Variants in ASTN1 observed in about 807,000 individuals in gnomAD.
ASTN1 encodes the protein astrotactin-1.
ASTN1 carries 41 observed loss-of-function variants against 140.7 expected under a neutral mutation model. The observed-to-expected ratio is 0.29, with a 90% CI of 0.23 to 0.38. The LOEUF (loss-of-function observed/expected upper bound fraction) is 0.38, where lower values mean the gene tolerates loss of function less well. Ranked by LOEUF, ASTN1 falls within the 10% of genes least tolerant of loss-of-function variation. ASTN1 has a pLI of 1.00. For synonymous variants in ASTN1, 640 were observed against 652.2 expected (o/e 0.98, Z 0.29); for missense variants, 1,479 against 1,678.8 (o/e 0.88, Z 2.08).
intron 8 of ASTN1, among the ~76,000 whole-genome samples, chr1:176,996,179 G>A (rs1219983541): frequency 6.6e-6 from 1 of 151,374 alleles, no homozygotes; most frequent in Non-Finnish European, 1.5e-5. Flanking sequence ...AGCTTCAAAG[G>A]GACCAAGAAA....
At chr1:176,866,212 A>C (rs1176393699) in intron 22 of ASTN1, among the ~76,000 whole-genome samples, 4 of 152,222 alleles carry the variant, frequency 2.6e-5, no homozygotes, top group Non-Finnish European at 5.9e-5. Flanking sequence ...GGAGAAGGGC[A>C]GAGATTGCCA....
intron 11 of ASTN1, among the ~76,000 whole-genome samples, chr1:176,955,982 T>A (rs931574714): frequency 6.6e-6 from 1 of 152,248 alleles, no homozygotes; most frequent in Non-Finnish European, 1.5e-5. Flanking sequence ...AATAGCTTTT[T>A]TTAAAAGTGT....
intron 1 of ASTN1, among the ~76,000 whole-genome samples, chr1:177,155,002 G>T (rs546525386): frequency 6.6e-6 from 1 of 152,144 alleles, no homozygotes. Flanking sequence ...GGTACTTCAT[G>T]CAATGGAATA....
chr1:177,037,598 T>C (rs527990739), intron 2 of ASTN1, among the ~76,000 whole-genome samples: 7 of 152,316 alleles, frequency 4.6e-5, no homozygotes, highest in Non-Finnish European at 1.0e-4. Flanking sequence ...AACATTACAG[T>C]ATATCTGGAT....
intron 8 of ASTN1, among the ~76,000 whole-genome samples, chr1:177,006,272 C>T (rs1042261139): frequency 5.9e-5 from 9 of 151,866 alleles, no homozygotes; most frequent in African/African-American, 2.2e-4. Context: ...AAAATATATA[C>T]AGAATTGAGG....
chr1:177,072,708 G>A (rs1454887776), intron 1 of ASTN1, among the ~76,000 whole-genome samples: 1 of 152,088 alleles, frequency 6.6e-6, no homozygotes, highest in African/African-American at 2.4e-5. Context: ...ACACTTTAAG[G>A]GGCTGGTAAT....
intron 8 of ASTN1, among the ~76,000 whole-genome samples, chr1:176,969,222 T>C (rs907145033): frequency 5.3e-5 from 8 of 152,164 alleles, no homozygotes; most frequent in Admixed American, 3.3e-4. Context: ...GCCTCTGAGA[T>C]GCCTGTAAGC....
intron 8 of ASTN1, among the ~76,000 whole-genome samples, chr1:177,002,614 T>C (rs1445088737): frequency 6.6e-6 from 1 of 152,204 alleles, no homozygotes; most frequent in Admixed American, 6.5e-5. Flanking sequence ...ATAGATAAAG[T>C]AGAAAACAAG....
intron 7 of ASTN1, among the ~76,000 whole-genome samples, chr1:177,023,146 G>A (rs13375523): frequency 0.022 from 3,285 of 152,210 alleles, 133 homozygotes; most frequent in African/African-American, 0.074. Flanking sequence ...TGGGATAAAT[G>A]GGTTATGGAA....
At chr1:177,089,468 T>C (rs1163233417) in intron 1 of ASTN1, among the ~76,000 whole-genome samples, 1 of 152,130 alleles carries the variant, frequency 6.6e-6, no homozygotes, top group Admixed American at 6.5e-5. Flanking sequence ...TGGGACATCA[T>C]ACCCTGAAAA....
intron 16 of ASTN1, among the ~76,000 whole-genome samples, chr1:176,914,324 G>A (rs948906420): frequency 3.3e-5 from 5 of 152,112 alleles, no homozygotes; most frequent in East Asian, 1.9e-4. Flanking sequence ...CAGGGGAGTC[G>A]CCAAAGGCCT....
intron 11 of ASTN1, among the ~76,000 whole-genome samples, chr1:176,951,857 C>T (rs934608191): frequency 6.6e-6 from 1 of 152,136 alleles, no homozygotes; most frequent in African/African-American, 2.4e-5. Flanking sequence ...AGAAATTAAG[C>T]AATTCTTTGT....
At chr1:177,026,230 G>A (rs1676104709) in intron 5 of ASTN1, among the ~76,000 whole-genome samples, 1 of 152,118 alleles carries the variant, frequency 6.6e-6, no homozygotes, top group African/African-American at 2.4e-5. Context: ...TTCTGTGCAT[G>A]TTACTATCCT....
intron 11 of ASTN1, among the ~76,000 whole-genome samples, chr1:176,950,511 A>G (rs12072381): frequency 0.1 from 15,546 of 152,070 alleles, 1,550 homozygotes; most frequent in African/African-American, 0.26. Context: ...ACCCTATATT[A>G]TCCCTATTTA....
At chr1:177,035,112 T>G (rs1676650082) in intron 2 of ASTN1, among the ~76,000 whole-genome samples, 1 of 152,232 alleles carries the variant, frequency 6.6e-6, no homozygotes, top group African/African-American at 2.4e-5. Flanking sequence ...TTCAAAAGGT[T>G]CCTCACTTTT....
chr1:177,136,344 AT>A (rs1293297076), intron 1 of ASTN1, among the ~76,000 whole-genome samples: 3 of 137,460 alleles, frequency 2.2e-5, no homozygotes, highest in Non-Finnish European at 4.7e-5. Flanking sequence ...TTGTTTTTTT[AT>A]TTTTCTTCCT....
intron 1 of ASTN1, among the ~76,000 whole-genome samples, chr1:177,109,319 T>C (rs1400191565): frequency 2.0e-5 from 3 of 152,168 alleles, no homozygotes; most frequent in Admixed American, 2.0e-4. Flanking sequence ...TAAGAAAGTG[T>C]CTATAAAATC....
At chr1:176,881,102 G>C (rs1019291563) in intron 20 of ASTN1, among the ~76,000 whole-genome samples, 4 of 152,220 alleles carry the variant, frequency 2.6e-5, no homozygotes, top group African/African-American at 9.6e-5. Flanking sequence ...CTGAAGCGCA[G>C]CTCTCCTGGA....
At chr1:177,144,428 A>G (rs1197628851) in intron 1 of ASTN1, among the ~76,000 whole-genome samples, 3 of 150,718 alleles carry the variant, frequency 2.0e-5, no homozygotes, top group Non-Finnish European at 4.4e-5. Context: ...AGTTTTTTGT[A>G]TTTTTAGTAG....
Sources: allele counts gnomAD v4.1 joint callset (sites outside exome capture counted in the v4.1 genomes callset), GRCh38; gene constraint gnomAD v4.1.1; transcripts MANE v1.5; gene names NCBI Gene and HGNC (gene_info 2026-07-23, HGNC 2026-07-21).